SORCS2: variants seen among roughly 807,000 people sequenced by gnomAD.
SORCS2 encodes VPS10 domain-containing receptor SorCS2.
In SORCS2, 100 loss-of-function variants were observed where a neutral mutation model predicts 141.6. That is an observed-to-expected ratio of 0.71 (90% confidence interval 0.60 to 0.83). SORCS2 has a LOEUF of 0.83. Ranked by LOEUF, SORCS2 falls within the 40% of genes least tolerant of loss-of-function variation. The probability of loss-of-function intolerance (pLI) is 0.00; values close to 1 mark genes in which losing one functional copy is unlikely to be tolerated. For synonymous variants in SORCS2, 789 were observed against 676.9 expected, an observed-to-expected ratio of 1.17 and a Z score of -2.57; for missense variants, 1,646 against 1,560.2, an observed-to-expected ratio of 1.05 and a Z score of -0.93.
At chr4:7,570,876 A>C (rs867585403) in intron 3 of SORCS2, among the ~76,000 whole-genome samples, 2 of 152,190 alleles carry the variant, frequency 1.3e-5, no homozygotes, top group Middle Eastern at 6.8e-3. Context: ...AAATAACACC[A>C]TGAGTTCATT....
intron 2 of SORCS2, among the ~76,000 whole-genome samples, chr4:7,485,917 C>T (rs1387377336): frequency 1.3e-5 from 2 of 152,186 alleles, no homozygotes; most frequent in African/African-American, 4.8e-5. Context: ...ATGGGGCTTC[C>T]TCTGTGCTGG....
At chr4:7,640,433 A>C (rs77324206) in intron 4 of SORCS2, among the ~76,000 whole-genome samples, 2,080 of 66,702 alleles carry the variant, frequency 0.031, 39 homozygotes, top group African/African-American at 0.11. Context: ...CGTGTGTGTG[A>C]GTCTACATGA....
chr4:7,470,488 T>G (rs747678063), intron 2 of SORCS2, among the ~76,000 whole-genome samples: 1 of 152,210 alleles, frequency 6.6e-6, no homozygotes, highest in African/African-American at 2.4e-5. Context: ...GGGTTCTTCA[T>G]GGAGGCTTTA....
chr4:7,718,116 G>T lies in SORCS2; in HGVS notation c.2357G>T (p.Ser786Ile). 1 of 1,612,190 alleles carries T rather than the reference G, an allele frequency of 6.2e-7. No homozygotes were observed. The change falls in exon 18 of 27, where the codon AGC becomes ATC. Residue 786 changes from serine to isoleucine, a missense_variant. Transcript: ENST00000507866. ...PLTPPRGLQV[S>I]IQGEAVAVRP... ...ACGCCGCCCCGGGGCCTGCAGGTCAGCATTCAAGGCGAGGCGGTGGCCGTG... is the reference window on the plus strand; with the variant it reads ...ACGCCGCCCCGGGGCCTGCAGGTCATCATTCAAGGCGAGGCGGTGGCCGTG...
chr4:7,536,075 C>A (rs772919917), intron 3 of SORCS2, among the ~76,000 whole-genome samples: 2 of 152,176 alleles, frequency 1.3e-5, no homozygotes, highest in Non-Finnish European at 2.9e-5. Flanking sequence ...GGACGGGCCA[C>A]GTGCTGAGTG....
intron 3 of SORCS2, among the ~76,000 whole-genome samples, chr4:7,611,328 C>G (rs972583698): frequency 1.3e-5 from 2 of 152,156 alleles, no homozygotes; most frequent in Admixed American, 1.3e-4. Context: ...AGACCAGGCT[C>G]AAGTCCTGGC....
chr4:7,369,306 G>A (rs1402417089), intron 1 of SORCS2, among the ~76,000 whole-genome samples: 1 of 152,172 alleles, frequency 6.6e-6, no homozygotes, highest in Non-Finnish European at 1.5e-5. Context: ...GCCAGACTCT[G>A]TCTGAAAACC....
Position 7,726,800 on chromosome 4 carries a change from T to C in SORCS2, c.2766T>C (p.Asn922=), listed in dbSNP as rs1474103958. The change falls in exon 21 of 27, where the codon AAT becomes AAC. Residue 922 remains asparagine, a synonymous_variant. Transcript: ENST00000507866. ...HSLQPLLSLD[N]SVTTRFSDTG... The stretch of plus-strand genomic sequence containing the variant: ...TGCAGCCCCTCCTTTCCCTGGATAA[T>C]TCTGTGACAACGCGGTTTTCGGACA... The C allele has an allele frequency of 6.2e-7, 1 of 1,613,672 alleles. No individual in the cohort carries two copies.
At chr4:7,321,751 T>C (rs775568594) in intron 1 of SORCS2, among the ~76,000 whole-genome samples, 13 of 152,076 alleles carry the variant, frequency 8.5e-5, no homozygotes, top group Non-Finnish European at 1.9e-4. Flanking sequence ...GGGAAGAACA[T>C]TGTGGGCAGG....
At position 7,698,546 on chromosome 4, in the gene SORCS2, CG is replaced by C. The variant is rs766263385; in HGVS notation, c.1668+1273del. Among the ~76,000 whole-genome samples, 16 of 152,316 alleles carry C rather than the reference CG, an allele frequency of 1.1e-4. No homozygotes were observed. In the East Asian group the frequency reaches 3.1e-3, roughly 29 times the overall value. ...GTCCATTTATTAGAGAAGATTCCCC[CG>C]TATTAGATTCAATAGACAGGGTGAA... On this transcript the variant is annotated intron_variant, in intron 12 of 26. Coordinates refer to ENST00000507866, the MANE Select transcript of SORCS2 (RefSeq NM_020777.3).
In SORCS2 at chr4:7,633,219, G is replaced by A. The variant is rs142361080; in HGVS notation, c.649-5109G>A. On this transcript the variant is annotated intron_variant, in intron 3 of 26. Coordinates refer to ENST00000507866, the MANE Select transcript of SORCS2 (RefSeq NM_020777.3). ...AGAGGGAACAGTACACACACAAGTG[G>A]TTGTCAGGATGCAAACATCCTCCGC... 2.0e-5 allele frequency among the ~76,000 whole-genome samples: 3 copies of A among 152,284 alleles called. No homozygotes were observed. In the East Asian group the frequency reaches 5.8e-4, roughly 29 times the overall value.
At chr4:7,649,447 T>G (rs1298473205) in intron 4 of SORCS2, among the ~76,000 whole-genome samples, 2 of 151,926 alleles carry the variant, frequency 1.3e-5, no homozygotes, top group African/African-American at 2.4e-5. Context: ...GGACCAGGTG[T>G]GCTCTGCAGC....
chr4:7,603,672 A>G (rs73794310), intron 3 of SORCS2, among the ~76,000 whole-genome samples: 3,997 of 151,966 alleles, frequency 0.026, 175 homozygotes, highest in African/African-American at 0.09. Context: ...TCCTCTCTCT[A>G]TTGTTTCTGT....
chr4:7,294,515 TGCCCCAGGGA>T (rs1716819774), intron 1 of SORCS2, among the ~76,000 whole-genome samples: 1 of 147,010 alleles, frequency 6.8e-6, no homozygotes, highest in Non-Finnish European at 1.5e-5. Flanking sequence ...TCCTCCTCCA[TGCCCCAGGGA>T]GCTCCTCCTC....
chr4:7,208,430 C>T (rs912195542), intron 1 of SORCS2, among the ~76,000 whole-genome samples: 1 of 152,174 alleles, frequency 6.6e-6, no homozygotes, highest in African/African-American at 2.4e-5. Flanking sequence ...GGTCTTCTGC[C>T]CTCTGCCCTT....
chr4:7,619,169 A>G (rs1718975273), intron 3 of SORCS2, among the ~76,000 whole-genome samples: 1 of 152,194 alleles, frequency 6.6e-6, no homozygotes, highest in East Asian at 1.9e-4. Flanking sequence ...TCATGAGACA[A>G]GATGCGTGTG....
At chr4:7,689,370 C>T in intron 10 of SORCS2, 116 bp from the exon 11 acceptor site, 1 of 926,928 alleles carries the variant, frequency 1.1e-6, no homozygotes, top group South Asian at 1.6e-5. Flanking sequence ...CCAAGGCACT[C>T]CTGGCCCAGC....
intron 1 of SORCS2, among the ~76,000 whole-genome samples, chr4:7,353,658 ACGATGGCCCC>A (rs2109010584): frequency 6.6e-6 from 1 of 152,272 alleles, no homozygotes; most frequent in South Asian, 2.1e-4. Context: ...CACAGGTGAA[ACGATGGCCCC>A]CGATGGCTTT....
At chr4:7,487,756 C>T (rs1731080364) in intron 2 of SORCS2, among the ~76,000 whole-genome samples, 1 of 152,158 alleles carries the variant, frequency 6.6e-6, no homozygotes, top group Non-Finnish European at 1.5e-5. Flanking sequence ...TGGCCATCCT[C>T]TTCTCTGCAT....
Sources: allele counts gnomAD v4.1 joint callset (sites outside exome capture counted in the v4.1 genomes callset), GRCh38; gene constraint gnomAD v4.1.1; transcripts MANE v1.5; gene names NCBI Gene and HGNC (gene_info 2026-07-23, HGNC 2026-07-21).